NTAQ1: variants seen among roughly 807,000 people sequenced by gnomAD.
NTAQ1 encodes the protein N-terminal glutamine amidase 1.
In NTAQ1, 21 loss-of-function variants were observed where a neutral mutation model predicts 28.2. The ratio of observed to expected loss-of-function variants is 0.74; its 90% CI spans 0.53 to 1.07. The LOEUF is 1.07. Ranked by LOEUF, NTAQ1 falls within the 50% of genes least tolerant of loss-of-function variation. The pLI is 0.00. For missense variants in NTAQ1, 264 were observed against 256.6 expected (o/e 1.03, Z -0.20); for synonymous variants, 105 against 90.0 (o/e 1.17, Z -0.94).
chr8:123,457,708 GT>G lies in NTAQ1; in HGVS notation c.373-9370del, dbSNP rs958635045. 1.7e-4 allele frequency among the ~76,000 whole-genome samples: 26 copies of G among 152,212 alleles called. 1 individual carries two copies. The highest frequency in any genetic ancestry group is 6.3e-4 in the African/African-American group (26 of 41,524). Reference sequence around the variant, plus strand: ...ATTGTGTACCCTTTTGTGTTTTTAAGTGTTGTAAGCCCTGTGAATATATTAC... The same window carrying G: ...ATTGTGTACCCTTTTGTGTTTTTAAGGTTGTAAGCCCTGTGAATATATTAC... On this transcript the variant is annotated intron_variant, in intron 6 of 6. Transcript: ENST00000650311.
Position 123,416,810 on chromosome 8 carries a change from G to A in NTAQ1, c.-40G>A. ...GCCCTTTCCTACGTCTGGTCCAGTC[G>A]GTCTTCCTCCGGCCCGGGCCCTGGC... On this transcript the variant is annotated 5_prime_UTR_variant, in exon 1 of 6. Coordinates refer to ENST00000287387, the MANE Select transcript of NTAQ1 (RefSeq NM_018024.3). 3 of 1,510,004 alleles carry A rather than the reference G, an allele frequency of 2.0e-6. No individual in the cohort carries two copies. Among genetic ancestry groups the A allele is most frequent in the Non-Finnish European group, 1.8e-6 (2 of 1,129,112 alleles). The allele number at this position is 1,510,004 out of a possible 1,614,324, so 93.5% of individuals were successfully genotyped here. A position where few individuals can be genotyped will look rare whatever the true frequency, so the allele number is the denominator to read the frequency against.
intron 1 of NTAQ1, among the ~76,000 whole-genome samples, chr8:123,422,149 G>A (rs1813739191): frequency 2.0e-5 from 3 of 152,066 alleles, no homozygotes; most frequent in African/African-American, 7.2e-5. Flanking sequence ...CATGTCCTTG[G>A]CCTATTTTTT....
At chr8:123,424,102 T>C (rs1268299236) in intron 1 of NTAQ1, among the ~76,000 whole-genome samples, 2 of 132,368 alleles carry the variant, frequency 1.5e-5, no homozygotes, top group Non-Finnish European at 3.1e-5. Context: ...AGATGAAGTC[T>C]CACTCTGTCA....
In NTAQ1 at chr8:123,429,769, A is replaced by T. The variant is rs546948292; in HGVS notation, c.184-214A>T. 2.4e-3 allele frequency among the ~76,000 whole-genome samples: 363 copies of T among 151,946 alleles called. 1 individual carries two copies. The highest frequency in any genetic ancestry group is 8.3e-3 in the African/African-American group (346 of 41,454). ...GTGGCACACGCCTGTAATCCCAGCT[A>T]CTTGGGAAACTGAGGCAGGAGAATT... is the stretch of plus-strand genomic sequence containing the variant. On this transcript the variant is annotated intron_variant, in intron 2 of 5. Transcript: ENST00000287387.
At chr8:123,461,523 CT>C (rs1815822676) in intron 6 of NTAQ1, among the ~76,000 whole-genome samples, 1 of 152,028 alleles carries the variant, frequency 6.6e-6, no homozygotes, top group East Asian at 1.9e-4. Flanking sequence ...AAATCTAGGA[CT>C]TTAGCCCAGC....
chr8:123,418,848 A>G (rs1369698184), intron 1 of NTAQ1, among the ~76,000 whole-genome samples: 1 of 152,164 alleles, frequency 6.6e-6, no homozygotes, highest in Non-Finnish European at 1.5e-5. Context: ...ATTCCTTGCT[A>G]TGGAGGCTGT....
At chr8:123,446,934 G>A (rs1035317888), downstream of NTAQ1, among the ~76,000 whole-genome samples, 8 of 152,176 alleles carry the variant, frequency 5.3e-5, no homozygotes, top group African/African-American at 1.9e-4. Flanking sequence ...AAGCCTGCAA[G>A]TTTTGACCAC....
chr8:123,457,557 G>T (rs1401488920), intron 6 of NTAQ1, among the ~76,000 whole-genome samples: 6 of 152,006 alleles, frequency 3.9e-5, no homozygotes, highest in Admixed American at 2.6e-4. Flanking sequence ...AGATAAAAAC[G>T]TGTATTTGCT....
chr8:123,453,631 G>A (rs1168195049), intron 6 of NTAQ1, among the ~76,000 whole-genome samples: 1 of 151,926 alleles, frequency 6.6e-6, no homozygotes, highest in Non-Finnish European at 1.5e-5. Context: ...TCACCATGTT[G>A]GCCAGGCTGC....
At chr8:123,471,821 C>G (rs985051099), downstream of NTAQ1, among the ~76,000 whole-genome samples, 6 of 152,160 alleles carry the variant, frequency 3.9e-5, no homozygotes, top group Admixed American at 3.3e-4. Flanking sequence ...AAGTGTTACT[C>G]TCATCCAAAA....
At chr8:123,474,214 T>C (rs1410664654), downstream of NTAQ1, among the ~76,000 whole-genome samples, 4 of 152,174 alleles carry the variant, frequency 2.6e-5, no homozygotes, top group Non-Finnish European at 5.9e-5. Flanking sequence ...CATTAACGGT[T>C]TTTTCTGATC....
At chr8:123,454,985 T>C (rs1191251442) in intron 6 of NTAQ1, 1 of 152,214 alleles carries the variant, frequency 6.6e-6, no homozygotes, top group African/African-American at 2.4e-5. Flanking sequence ...AGGAAATCCA[T>C]GTGTGGAAGA....
chr8:123,429,914 A>G, intron 2 of NTAQ1, 69 bp from the exon 3 acceptor site: 4 of 1,146,736 alleles, frequency 3.5e-6, no homozygotes, highest in Non-Finnish European at 5.0e-6. Context: ...CTCAAAAAAA[A>G]AAAAAGGAAA....
intron 6 of NTAQ1, among the ~76,000 whole-genome samples, chr8:123,454,222 A>G (rs968943567): frequency 9.9e-5 from 15 of 152,230 alleles, no homozygotes; most frequent in African/African-American, 3.6e-4. Flanking sequence ...GAGAACAGAA[A>G]TTGCTTGCTA....
chr8:123,421,913 C>T (rs1200017968), intron 1 of NTAQ1, among the ~76,000 whole-genome samples: 1 of 151,968 alleles, frequency 6.6e-6, no homozygotes, highest in Non-Finnish European at 1.5e-5. Flanking sequence ...ATCTCCTGAC[C>T]TCGTGATCCG....
chr8:123,417,064 G>A, intron 1 of NTAQ1, 132 bp downstream of exon 1: 3 of 897,170 alleles, frequency 3.3e-6, no homozygotes, highest in Non-Finnish European at 3.1e-6. Flanking sequence ...CAGTTTTGCG[G>A]GAGGAGGGAG....
intron 6 of NTAQ1, among the ~76,000 whole-genome samples, chr8:123,459,179 G>A (rs565278652): frequency 6.6e-6 from 1 of 152,010 alleles, no homozygotes; most frequent in East Asian, 1.9e-4. Flanking sequence ...CCAGGACGTC[G>A]AGGCTGCAGT....
At chr8:123,419,739 C>CCTCCCTCCATCT (rs1813551755) in intron 1 of NTAQ1, among the ~76,000 whole-genome samples, 1 of 97,056 alleles carries the variant, frequency 1.0e-5, no homozygotes, top group Non-Finnish European at 2.1e-5. Context: ...CACAGCCCTC[C>CCTCCCTCCATCT]CTCCCTCCCT....
chr8:123,462,233 A>G (rs1443119772), intron 6 of NTAQ1, among the ~76,000 whole-genome samples: 1 of 152,098 alleles, frequency 6.6e-6, no homozygotes, highest in Non-Finnish European at 1.5e-5. Flanking sequence ...TTTTTAGTAT[A>G]GAAAGGGTTT....
Sources: allele counts gnomAD v4.1 joint callset (sites outside exome capture counted in the v4.1 genomes callset), GRCh38; gene constraint gnomAD v4.1.1; transcripts MANE v1.5; gene names NCBI Gene and HGNC (gene_info 2026-07-23, HGNC 2026-07-21).